Variants in EEFSEC observed in about 807,000 individuals in gnomAD.
The protein encoded by EEFSEC is eukaryotic elongation factor, selenocysteine-tRNA specific, also known as selenocysteine-specific elongation factor.
EEFSEC carries 43 observed loss-of-function variants against 42.1 expected under a neutral mutation model. The ratio of observed to expected loss-of-function variants is 1.02; its 90% CI spans 0.80 to 1.32. The LOEUF is 1.32. EEFSEC is among the 40% of genes most tolerant of loss of function. EEFSEC has a pLI of 0.00. For synonymous variants in EEFSEC, 354 were observed against 339.1 expected, an observed-to-expected ratio of 1.04 and a Z score of -0.48; for missense variants, 745 against 803.6, an observed-to-expected ratio of 0.93 and a Z score of 0.88.
chr3:128,286,263 G>A (rs1196742581), intron 4 of EEFSEC, among the ~76,000 whole-genome samples: 4 of 152,168 alleles, frequency 2.6e-5, no homozygotes, highest in Non-Finnish European at 5.9e-5. Context: ...CACACATACT[G>A]GTCATCTATT....
chr3:128,363,380 ACT>A (rs1394000211), intron 6 of EEFSEC, among the ~76,000 whole-genome samples: 1 of 152,158 alleles, frequency 6.6e-6, no homozygotes, highest in East Asian at 1.9e-4. Flanking sequence ...AGAGCACCTC[ACT>A]CTCAACCACT....
chr3:128,363,552 C>A (rs1395719596), intron 6 of EEFSEC, among the ~76,000 whole-genome samples: 1 of 152,110 alleles, frequency 6.6e-6, no homozygotes, highest in African/African-American at 2.4e-5. Flanking sequence ...ACCCTATGGC[C>A]CCTGGGAAGA....
chr3:128,185,043 A>G (rs2065450771), intron 1 of EEFSEC, among the ~76,000 whole-genome samples: 1 of 152,210 alleles, frequency 6.6e-6, no homozygotes, highest in African/African-American at 2.4e-5. Flanking sequence ...AGAAGGAAAA[A>G]AACAAATACA....
intron 5 of EEFSEC, among the ~76,000 whole-genome samples, chr3:128,346,182 A>G (rs909637342): frequency 1.3e-5 from 2 of 152,370 alleles, no homozygotes; most frequent in African/African-American, 2.4e-5. Context: ...AGAGCAAACT[A>G]TGGCCCATGG....
intron 6 of EEFSEC, among the ~76,000 whole-genome samples, chr3:128,370,894 A>C (rs2067645811): frequency 6.6e-6 from 1 of 152,218 alleles, no homozygotes; most frequent in Non-Finnish European, 1.5e-5. Flanking sequence ...CTTGTCTTGA[A>C]GGTGAGGAGA....
At chr3:128,386,480 T>TG (rs373890750) in intron 6 of EEFSEC, among the ~76,000 whole-genome samples, 65 of 148,328 alleles carry the variant, frequency 4.4e-4, no homozygotes, top group East Asian at 9.8e-4. Flanking sequence ...AGACAGGCAG[T>TG]GGGGGGGGGA....
intron 2 of EEFSEC, among the ~76,000 whole-genome samples, chr3:128,251,616 A>G (rs1038203546): frequency 2.0e-5 from 3 of 152,182 alleles, no homozygotes; most frequent in Non-Finnish European, 2.9e-5. Context: ...ATGCCCATGT[A>G]AAAATTTTGT....
At chr3:128,266,169 A>G (rs938693037) in intron 4 of EEFSEC, among the ~76,000 whole-genome samples, 2 of 152,186 alleles carry the variant, frequency 1.3e-5, no homozygotes, top group African/African-American at 4.8e-5. Flanking sequence ...GCTTTACTCA[A>G]CATCCACCAA....
intron 6 of EEFSEC, among the ~76,000 whole-genome samples, chr3:128,396,754 G>T (rs2107630591): frequency 6.6e-6 from 1 of 152,346 alleles, no homozygotes; most frequent in East Asian, 1.9e-4. Flanking sequence ...ACTGAGGTTT[G>T]CTGTTGTCTG....
rs185389478 is a variant in EEFSEC, at chr3:128,392,180, C to T, written c.1601-15889C>T. 8.3e-3 allele frequency among the ~76,000 whole-genome samples: 1,270 copies of T among 152,282 alleles called. 17 individuals are homozygous for T. The highest frequency in any genetic ancestry group is 0.013 in the Non-Finnish European group (878 of 68,008). On this transcript the variant is annotated intron_variant, in intron 6 of 6. Transcript: ENST00000254730. ...TCTGTTGTCTCTGAGCCAGGGCATGCGGGACCCAGAGTGGGAGTTAGGCAG... is the reference window on the plus strand; with the variant it reads ...TCTGTTGTCTCTGAGCCAGGGCATGTGGGACCCAGAGTGGGAGTTAGGCAG...
chr3:128,241,218 T>TG, intron 1 of EEFSEC, among the ~76,000 whole-genome samples: 1 of 147,446 alleles, frequency 6.8e-6, no homozygotes, highest in Non-Finnish European at 1.5e-5. Context: ...TTTTTTTTTT[T>TG]TTTTTTGAGA....
At chr3:128,420,650 C>T in the EEFSEC span, among the ~76,000 whole-genome samples, 1 of 152,218 alleles carries the variant, frequency 6.6e-6, no homozygotes, top group African/African-American at 2.4e-5. Context: ...GGAAGGACTC[C>T]CCAGTTCCCG....
intron 6 of EEFSEC, among the ~76,000 whole-genome samples, chr3:128,398,718 G>A (rs912862592): frequency 6.6e-6 from 1 of 152,198 alleles, no homozygotes; most frequent in Non-Finnish European, 1.5e-5. Context: ...AGGCTGGGCA[G>A]GCGCCCCACT....
At chr3:128,312,822 TG>T (rs1440135577) in intron 4 of EEFSEC, among the ~76,000 whole-genome samples, 4 of 152,260 alleles carry the variant, frequency 2.6e-5, no homozygotes, top group African/African-American at 9.6e-5. Flanking sequence ...ACCATTTAGC[TG>T]TATCTTTTAG....
chr3:128,159,431 T>C (rs1474995958), intron 1 of EEFSEC, among the ~76,000 whole-genome samples: 2 of 152,244 alleles, frequency 1.3e-5, no homozygotes, highest in African/African-American at 4.8e-5. Flanking sequence ...TGCCTGCTTA[T>C]TCTCCTCCTC....
chr3:128,261,371 G>A (rs1235363649), intron 2 of EEFSEC, among the ~76,000 whole-genome samples: 1 of 152,128 alleles, frequency 6.6e-6, no homozygotes, highest in African/African-American at 2.4e-5. Context: ...TGTTGTTGCT[G>A]TCATTCAACA....
chr3:128,355,664 A>G (rs2067444254), intron 5 of EEFSEC, among the ~76,000 whole-genome samples: 1 of 151,906 alleles, frequency 6.6e-6, no homozygotes, highest in Non-Finnish European at 1.5e-5. Flanking sequence ...AAATGTACCA[A>G]CAACTACAAC....
At chr3:128,227,318 C>A (rs577151484) in intron 1 of EEFSEC, among the ~76,000 whole-genome samples, 33 of 152,146 alleles carry the variant, frequency 2.2e-4, no homozygotes, top group Admixed American at 2.0e-3. Flanking sequence ...CCTACCCCCC[C>A]ACTCCGTTCT....
rs2067261335 is a variant in EEFSEC at position 128,342,007 on chromosome 3, C to T, written c.1443+118C>T. The stretch of plus-strand genomic sequence containing the variant: ...GCCCTCAGAGACCTTCTGGTGCCAA[C>T]CTCTGTAGTTTCTGTACAAGGCATC... On this transcript the variant is annotated intron_variant, in intron 5 of 6. Coordinates refer to ENST00000254730, the MANE Select transcript of EEFSEC (RefSeq NM_021937.5). 3.0e-6 allele frequency: 4 copies of T among 1,354,636 alleles called. 1 individual carries two copies. Among genetic ancestry groups the T allele is most frequent in the South Asian group, 3.0e-5 (2 of 66,906 alleles). The allele number at this position is 1,354,636 out of a possible 1,614,324, so 83.9% of individuals were successfully genotyped here. A position where few individuals can be genotyped will look rare whatever the true frequency, so the allele number is the denominator to read the frequency against.
Sources: gnomAD v4.1 joint callset for allele counts (sites outside exome capture counted in the v4.1 genomes callset) on GRCh38, gnomAD v4.1.1 for gene constraint, MANE v1.5 for transcripts, NCBI Gene and HGNC (gene_info 2026-07-23, HGNC 2026-07-21) for gene names.